Variants in CYP3A5 observed in about 807,000 individuals in gnomAD.
CYP3A5 encodes cytochrome P450 3A5.
A neutral mutation model predicts 55.9 loss-of-function variants in CYP3A5; 51 were observed. That is an observed-to-expected ratio of 0.91 (90% CI 0.73 to 1.15). The LOEUF (loss-of-function observed/expected upper bound fraction) is 1.15. Ranked by LOEUF, CYP3A5 falls within the 50% of genes most tolerant of loss-of-function variation. The pLI, the probability that CYP3A5 is intolerant of heterozygous loss-of-function variation, is 0.00. For synonymous variants in CYP3A5, 196 were observed against 213.9 expected, an observed-to-expected ratio of 0.92 and a Z score of 0.73; for missense variants, 533 against 596.6, an observed-to-expected ratio of 0.89 and a Z score of 1.11.
At chr7:99,656,508 T>C (rs1809752909) in intron 10 of CYP3A5, among the ~76,000 whole-genome samples, 1 of 152,222 alleles carries the variant, frequency 6.6e-6, no homozygotes, top group Admixed American at 6.5e-5. Flanking sequence ...GATTTTTGTA[T>C]CACTGTTCAT....
chr7:99,664,507 G>T (rs897485536), intron 7 of CYP3A5, among the ~76,000 whole-genome samples: 2 of 152,128 alleles, frequency 1.3e-5, no homozygotes, highest in African/African-American at 4.8e-5. Context: ...AATAAAACTA[G>T]AAATCAATAA....
chr7:99,676,789 G>A (rs1812331373), intron 1 of CYP3A5, among the ~76,000 whole-genome samples: 1 of 152,094 alleles, frequency 6.6e-6, no homozygotes, highest in Non-Finnish European at 1.5e-5. Flanking sequence ...GAGAGGCCTT[G>A]GAGGAGTCAT....
At chr7:99,675,115 G>A (rs1812090492) in intron 2 of CYP3A5, among the ~76,000 whole-genome samples, 1 of 151,936 alleles carries the variant, frequency 6.6e-6, no homozygotes. Flanking sequence ...ATGTTGTTGA[G>A]TGAGAAAGTG....
chr7:99,672,728 A>T, intron 3 of CYP3A5, 49 bp from the exon 4 acceptor site: 1 of 1,611,050 alleles, frequency 6.2e-7, no homozygotes, highest in South Asian at 1.1e-5. Context: ...CCGATTCTGC[A>T]GCTGGAGCCA....
intron 5 of CYP3A5, 51 bp downstream of exon 5, chr7:99,666,901 C>A: frequency 6.2e-7 from 1 of 1,605,610 alleles, no homozygotes; most frequent in Non-Finnish European, 8.5e-7. Flanking sequence ...TTCTACCTGT[C>A]CCCAGATTCA....
At chr7:99,669,746 G>A (rs538595880) in intron 4 of CYP3A5, among the ~76,000 whole-genome samples, 1 of 152,310 alleles carries the variant, frequency 6.6e-6, no homozygotes, top group African/African-American at 2.4e-5. Flanking sequence ...ATGTCACCAT[G>A]CTATTAAAAG....
intron 11 of CYP3A5, among the ~76,000 whole-genome samples, chr7:99,651,538 A>G (rs1017436718): frequency 2.0e-5 from 3 of 152,144 alleles, no homozygotes; most frequent in Non-Finnish European, 4.4e-5. Flanking sequence ...GTCAGCTCTG[A>G]CTTACTCTGT....
At chr7:99,676,395 C>T in intron 1 of CYP3A5, 187 bp from the exon 2 acceptor site, 1 of 1,513,886 alleles carries the variant, frequency 6.6e-7, no homozygotes, top group Non-Finnish European at 8.9e-7. Context: ...TCTGAGACCC[C>T]TGAAAAGTCT....
intron 6 of CYP3A5, 80 bp from the exon 7 acceptor site, chr7:99,665,394 T>C: frequency 6.4e-7 from 1 of 1,550,622 alleles, no homozygotes; most frequent in East Asian, 2.2e-5. Flanking sequence ...GAAACCCACA[T>C]ATCCAGTCAA....
At chr7:99,663,135 T>C (rs1009486398) in intron 8 of CYP3A5, 9 of 1,206,228 alleles carry the variant, frequency 7.5e-6, no homozygotes, top group Non-Finnish European at 9.4e-6. Context: ...CTGTTTCTCA[T>C]CTTCTCTGTC....
At chr7:99,676,355 C>T in intron 1 of CYP3A5, 147 bp from the exon 2 acceptor site, 1 of 1,538,572 alleles carries the variant, frequency 6.5e-7, no homozygotes, top group South Asian at 1.1e-5. Flanking sequence ...TCAGTAATTG[C>T]ATTCACTCAT....
chr7:99,669,365 A>C (rs1469502096), intron 4 of CYP3A5, among the ~76,000 whole-genome samples: 1 of 152,240 alleles, frequency 6.6e-6, no homozygotes, highest in African/African-American at 2.4e-5. Flanking sequence ...TCAACAAAAA[A>C]GATTTTTTAA....
rs1454261922 is a variant in CYP3A5 at position 99,660,111 on chromosome 7, G to A, written c.1026+388C>T. On this transcript the variant is annotated intron_variant, in intron 10 of 12. Transcript: ENST00000222982. ...CAACAATCCCCATTGAGATGCACCC[G>A]GTACCTCAGTTGGAAATGCAGAAAT... 50 of 662,470 alleles carry A rather than the reference G, an allele frequency of 7.5e-5. No individual in the cohort carries two copies. In the South Asian group the frequency reaches 2.0e-3, roughly 27 times the overall value. The allele number at this position is 662,470 out of a possible 1,614,324, so 41.0% of individuals were successfully genotyped here.
intron 4 of CYP3A5, among the ~76,000 whole-genome samples, chr7:99,670,308 C>G (rs1254573199): frequency 6.6e-6 from 1 of 152,152 alleles, no homozygotes; most frequent in East Asian, 1.9e-4. Flanking sequence ...TGAAAACCAA[C>G]TTAACAATAC....
At chr7:99,675,650 TCCCCTCC>T (rs1563003792) in intron 2 of CYP3A5, among the ~76,000 whole-genome samples, 3 of 260 alleles carry the variant, frequency 0.012, no homozygotes, top group African/African-American at 0.029. Flanking sequence ...TCCTCCCCCC[TCCCCTCC>T]CCTCCCCTCC....
intron 8 of CYP3A5, chr7:99,663,093 C>G: frequency 7.7e-7 from 1 of 1,295,860 alleles, no homozygotes; most frequent in Non-Finnish European, 9.9e-7. Flanking sequence ...ATCTAGCTAT[C>G]ATGTCCAATT....
chr7:99,648,471 G>C, intron 12 of CYP3A5, 71 bp from the exon 13 acceptor site: 9 of 814,300 alleles, frequency 1.1e-5, no homozygotes, highest in East Asian at 4.3e-5. Flanking sequence ...AAGCAAAGTA[G>C]AAAAAATATG....
chr7:99,665,159 C>A lies in CYP3A5; in HGVS notation c.670+7G>T. 6.3e-7 allele frequency: 1 copy of A among 1,599,892 alleles called. No individual in the cohort carries two copies. Among genetic ancestry groups the A allele is most frequent in the East Asian group, 2.2e-5 (1 of 44,770 alleles). ...AAAAAGAGAGAAAGAAATAATAGCCCACATACTTATTGAGAGAAATAATGG... is the reference window on the plus strand; with the variant it reads ...AAAAAGAGAGAAAGAAATAATAGCCAACATACTTATTGAGAGAAATAATGG... On this transcript the variant is annotated splice_region_variant and intron_variant, in intron 7 of 12. Transcript: ENST00000222982.
chr7:99,657,527 TGTG>T (rs1354504977), intron 10 of CYP3A5, among the ~76,000 whole-genome samples: 1 of 152,176 alleles, frequency 6.6e-6, no homozygotes, highest in Non-Finnish European at 1.5e-5. Flanking sequence ...TTGGAATAGG[TGTG>T]GTGTGGTGCT....
Sources: allele counts gnomAD v4.1 joint callset (sites outside exome capture counted in the v4.1 genomes callset), GRCh38; gene constraint gnomAD v4.1.1; transcripts MANE v1.5; gene names NCBI Gene and HGNC (gene_info 2026-07-23, HGNC 2026-07-21).